Variants in CAMTA1 observed in about 807,000 individuals in gnomAD.
CAMTA1 encodes calmodulin binding transcription activator 1.
A neutral mutation model predicts 170.9 loss-of-function variants in CAMTA1; 27 were observed. That is an observed-to-expected ratio of 0.16 (90% confidence interval 0.12 to 0.22). CAMTA1 has a LOEUF of 0.22. CAMTA1 is among the 10% of genes least tolerant of loss of function. CAMTA1 has a pLI of 1.00. For missense variants in CAMTA1, 1,619 were observed against 2,217.2 expected (o/e 0.73, Z 5.42); for synonymous variants, 833 against 891.5 (o/e 0.93, Z 1.17).
chr1:7,055,080 A>G (rs1707089856), intron 3 of CAMTA1, among the ~76,000 whole-genome samples: 1 of 152,124 alleles, frequency 6.6e-6, no homozygotes, highest in South Asian at 2.1e-4. Context: ...GGATGCCACT[A>G]ACCCATTCAC....
At chr1:7,258,643 T>C (rs951327988) in intron 5 of CAMTA1, among the ~76,000 whole-genome samples, 2 of 152,164 alleles carry the variant, frequency 1.3e-5, no homozygotes, top group Non-Finnish European at 2.9e-5. Context: ...CTTTTCCCCT[T>C]GGTAAGTGAC....
At chr1:7,075,662 ATTTTT>A (rs60585573) in intron 3 of CAMTA1, among the ~76,000 whole-genome samples, 1 of 130,540 alleles carries the variant, frequency 7.7e-6, no homozygotes. Flanking sequence ...AATCTCAGTG[ATTTTT>A]TTTTTTTTTT....
At chr1:7,213,590 T>A (rs1291504317) in intron 4 of CAMTA1, among the ~76,000 whole-genome samples, 5 of 119,594 alleles carry the variant, frequency 4.2e-5, no homozygotes, top group African/African-American at 1.9e-4. Flanking sequence ...GAGCAAATAT[T>A]TTTTTTCTTT....
At chr1:7,391,040 CG>C (rs1315380712) in intron 5 of CAMTA1, among the ~76,000 whole-genome samples, 137 of 152,148 alleles carry the variant, frequency 9.0e-4, no homozygotes, top group African/African-American at 3.3e-3. Flanking sequence ...TCTTGTTGCC[CG>C]GGCTGGAGTG....
intron 4 of CAMTA1, among the ~76,000 whole-genome samples, chr1:7,098,421 G>A (rs1199428084): frequency 4.6e-5 from 7 of 152,230 alleles, no homozygotes; most frequent in Non-Finnish European, 5.9e-5. Context: ...GCAACTGCAG[G>A]GTGAGGGAGT....
chr1:7,502,192 C>T (rs956601340), intron 6 of CAMTA1, among the ~76,000 whole-genome samples: 1 of 152,234 alleles, frequency 6.6e-6, no homozygotes, highest in African/African-American at 2.4e-5. Flanking sequence ...GTCTCCACCC[C>T]ACTCTCCCCT....
At chr1:7,167,173 T>TTA (rs1648658351) in intron 4 of CAMTA1, among the ~76,000 whole-genome samples, 1 of 152,208 alleles carries the variant, frequency 6.6e-6, no homozygotes, top group Non-Finnish European at 1.5e-5. Context: ...TACTAAATCT[T>TTA]TATCCTAATC....
intron 4 of CAMTA1, among the ~76,000 whole-genome samples, chr1:7,235,687 C>A (rs1418127253): frequency 3.3e-5 from 5 of 152,194 alleles, no homozygotes; most frequent in Non-Finnish European, 7.3e-5. Flanking sequence ...TCTTCGGAAG[C>A]ACCAGCTTCT....
chr1:7,391,571 T>C (rs1557641008), intron 5 of CAMTA1, among the ~76,000 whole-genome samples: 2 of 152,156 alleles, frequency 1.3e-5, no homozygotes, highest in South Asian at 4.1e-4. Context: ...ATGTATGTGG[T>C]TTCCATCAGC....
intron 6 of CAMTA1, among the ~76,000 whole-genome samples, chr1:7,639,276 G>A (rs2095741711): frequency 6.6e-6 from 1 of 152,216 alleles, no homozygotes; most frequent in East Asian, 1.9e-4. Flanking sequence ...ACCACGCCCG[G>A]CCCAAACTGG....
At position 7,337,893 on chromosome 1, in the gene CAMTA1, G is replaced by A. The variant is rs116819540; in HGVS notation, c.438+88267G>A. ...ACCCGAATTTCCAGCCCGCTTGTCCGCCCAACAAATTTGGGATTTGTCAGT... is the reference window on the plus strand; with the variant it reads ...ACCCGAATTTCCAGCCCGCTTGTCCACCCAACAAATTTGGGATTTGTCAGT... On this transcript the variant is annotated intron_variant, in intron 5 of 22. Transcript: ENST00000303635. Among the ~76,000 whole-genome samples, 223 of 152,098 alleles carry A rather than the reference G, an allele frequency of 1.5e-3. 1 individual carries two copies. The highest frequency in any genetic ancestry group is 5.1e-3 in the African/African-American group (212 of 41,494).
intron 3 of CAMTA1, chr1:6,888,243 C>T: frequency 2.0e-6 from 2 of 986,070 alleles, no homozygotes; most frequent in Non-Finnish European, 2.4e-6. Context: ...AATGTTTTTC[C>T]TTTAACTTGC....
intron 3 of CAMTA1, among the ~76,000 whole-genome samples, chr1:6,877,143 C>T (rs1356239718): frequency 1.3e-5 from 2 of 152,252 alleles, no homozygotes; most frequent in Non-Finnish European, 2.9e-5. Flanking sequence ...CTGCGATTAA[C>T]TGCCTGCCTC....
At chr1:7,675,475 A>C (rs548683467) in intron 10 of CAMTA1, among the ~76,000 whole-genome samples, 2 of 152,116 alleles carry the variant, frequency 1.3e-5, no homozygotes, top group South Asian at 2.1e-4. Flanking sequence ...GTAGGGAGGA[A>C]GAACAGAAGC....
intron 11 of CAMTA1, among the ~76,000 whole-genome samples, chr1:7,701,993 T>A (rs1187769182): frequency 6.6e-6 from 1 of 152,108 alleles, no homozygotes; most frequent in Admixed American, 6.5e-5. Context: ...AGCACCCAGC[T>A]CATCCCACCC....
intron 3 of CAMTA1, among the ~76,000 whole-genome samples, chr1:6,878,386 G>A (rs1044337386): frequency 6.6e-6 from 1 of 152,224 alleles, no homozygotes; most frequent in Non-Finnish European, 1.5e-5. Flanking sequence ...GTGGTTTTGT[G>A]CTAGATCACA....
At chr1:7,053,440 CTT>C in intron 3 of CAMTA1, among the ~76,000 whole-genome samples, 1 of 152,230 alleles carries the variant, frequency 6.6e-6, no homozygotes. Context: ...CCTCTGCGCC[CTT>C]GCTCTAGAAC....
chr1:6,822,067 A>G (rs1207038129), intron 2 of CAMTA1, among the ~76,000 whole-genome samples: 1 of 152,154 alleles, frequency 6.6e-6, no homozygotes, highest in Non-Finnish European at 1.5e-5. Context: ...TTGTTAGATA[A>G]TGATAATGAA....
chr1:7,215,167 T>A (rs545805226), intron 4 of CAMTA1, among the ~76,000 whole-genome samples: 7 of 151,852 alleles, frequency 4.6e-5, no homozygotes, highest in East Asian at 1.9e-4. Flanking sequence ...TCCTATTTTT[T>A]AAAAAAAAGA....
Sources: allele counts gnomAD v4.1 joint callset (sites outside exome capture counted in the v4.1 genomes callset), GRCh38; gene constraint gnomAD v4.1.1; transcripts MANE v1.5; gene names NCBI Gene and HGNC (gene_info 2026-07-23, HGNC 2026-07-21).